Variants in KLHL1 observed in about 807,000 individuals in gnomAD.
KLHL1 encodes kelch-like protein 1.
A neutral mutation model predicts 77.7 loss-of-function variants in KLHL1; 47 were observed. The ratio of observed to expected loss-of-function variants is 0.60; its 90% CI spans 0.48 to 0.77. The LOEUF is 0.77. Ranked by LOEUF, KLHL1 falls within the 30% of genes least tolerant of loss-of-function variation. KLHL1 has a pLI of 0.00. For missense variants in KLHL1, 925 were observed against 910.8 expected (o/e 1.02, Z -0.20); for synonymous variants, 360 against 325.2 (o/e 1.11, Z -1.15).
intron 1 of KLHL1, among the ~76,000 whole-genome samples, chr13:70,017,233 A>T (rs1280956521): frequency 6.6e-6 from 1 of 152,206 alleles, no homozygotes; most frequent in African/African-American, 2.4e-5. Context: ...GTTGCCAGTG[A>T]TGAGGAGAAA....
chr13:69,879,815 A>T (rs560742153), intron 5 of KLHL1, among the ~76,000 whole-genome samples: 6 of 152,138 alleles, frequency 3.9e-5, no homozygotes, highest in African/African-American at 1.4e-4. Flanking sequence ...TCTGGTCTTT[A>T]AAACTAAAGA....
chr13:69,726,912 T>G (rs1873327550), intron 8 of KLHL1, among the ~76,000 whole-genome samples: 1 of 152,240 alleles, frequency 6.6e-6, no homozygotes, highest in Non-Finnish European at 1.5e-5. Flanking sequence ...TTTGTGAAAT[T>G]TTTTAAAAAA....
intron 4 of KLHL1, chr13:69,894,919 A>T: frequency 2.3e-6 from 1 of 436,230 alleles, no homozygotes; most frequent in Non-Finnish European, 4.4e-6. Context: ...GTTGAGCAGA[A>T]CCAAGCAGCT....
chr13:69,708,991 C>T (rs1006758193), intron 9 of KLHL1, among the ~76,000 whole-genome samples: 4 of 151,838 alleles, frequency 2.6e-5, no homozygotes, highest in South Asian at 2.1e-4. Context: ...TACAGAAGAT[C>T]TGGAATTTAT....
In KLHL1 at chr13:69,860,463, A is replaced by C. The variant is rs1456352817; in HGVS notation, c.1228-21301T>G. ...CTGCATGATCTATGAATAATATAGC[A>C]TAAAATTTTAGCATGTATTTAAAAA... On this transcript the variant is annotated intron_variant, in intron 5 of 10. Coordinates refer to ENST00000377844, the MANE Select transcript of KLHL1 (RefSeq NM_020866.3). Among the ~76,000 whole-genome samples, 7 of 152,110 alleles carry C rather than the reference A, an allele frequency of 4.6e-5. No individual in the cohort carries two copies. The South Asian group carries it at 1.4e-3, about 31-fold the overall frequency.
chr13:69,704,754 G>A (rs1205590195), intron 10 of KLHL1, among the ~76,000 whole-genome samples: 1 of 151,504 alleles, frequency 6.6e-6, no homozygotes, highest in African/African-American at 2.4e-5. Flanking sequence ...TTAAAAATCT[G>A]CCTTTGTTCT....
intron 6 of KLHL1, among the ~76,000 whole-genome samples, chr13:69,809,217 C>A (rs1158717614): frequency 3.9e-5 from 6 of 151,938 alleles, no homozygotes; most frequent in African/African-American, 1.2e-4. Flanking sequence ...AGAACTCCTG[C>A]GAGATACTAA....
chr13:69,998,836 C>A (rs1593662645), intron 1 of KLHL1, among the ~76,000 whole-genome samples: 1 of 151,878 alleles, frequency 6.6e-6, no homozygotes, highest in East Asian at 1.9e-4. Context: ...GAGTATGCAC[C>A]CAAGCTCACC....
chr13:69,770,292 GTGCAGCC>G (rs1279629155), intron 7 of KLHL1, among the ~76,000 whole-genome samples: 3 of 152,222 alleles, frequency 2.0e-5, no homozygotes, highest in Non-Finnish European at 4.4e-5. Context: ...AGCAAGCCAA[GTGCAGCC>G]TGCTGGCCCG....
intron 4 of KLHL1, among the ~76,000 whole-genome samples, chr13:69,902,665 A>G (rs563697558): frequency 5.5e-4 from 84 of 151,882 alleles, no homozygotes; most frequent in African/African-American, 1.9e-3. Flanking sequence ...GACAAAAACC[A>G]AACACCACAT....
chr13:69,850,322 T>G (rs1415918712), intron 5 of KLHL1, among the ~76,000 whole-genome samples: 1 of 151,602 alleles, frequency 6.6e-6, no homozygotes, highest in Non-Finnish European at 1.5e-5. Context: ...AACTTTTTTT[T>G]GAGAATATGA....
intron 2 of KLHL1, among the ~76,000 whole-genome samples, chr13:69,964,341 C>A (rs1257258960): frequency 6.6e-6 from 1 of 152,118 alleles, no homozygotes; most frequent in Non-Finnish European, 1.5e-5. Context: ...TGCACCCAGA[C>A]CATCTTGTTT....
chr13:69,907,279 A>C (rs1488278420), intron 4 of KLHL1, among the ~76,000 whole-genome samples: 7 of 152,038 alleles, frequency 4.6e-5, no homozygotes, highest in Non-Finnish European at 5.9e-5. Flanking sequence ...AAAAGCAAAA[A>C]GTGTGAATGT....
At chr13:69,787,128 G>GCTACCAA (rs1876596042) in intron 7 of KLHL1, among the ~76,000 whole-genome samples, 2 of 152,048 alleles carry the variant, frequency 1.3e-5, no homozygotes, top group Non-Finnish European at 2.9e-5. Flanking sequence ...CAAGCTACCA[G>GCTACCAA]TGACTTTCTT....
intron 7 of KLHL1, among the ~76,000 whole-genome samples, chr13:69,782,557 C>T (rs367614126): frequency 2.0e-4 from 30 of 152,310 alleles, no homozygotes; most frequent in African/African-American, 6.7e-4. Flanking sequence ...CAGAGTCTCA[C>T]TGATTGCTAG....
intron 1 of KLHL1, among the ~76,000 whole-genome samples, chr13:70,096,445 T>C (rs149898894): frequency 4.3e-4 from 66 of 152,232 alleles, no homozygotes; most frequent in South Asian, 1.9e-3. Flanking sequence ...TGATGATTAA[T>C]GATGGTGAGC....
chr13:70,006,941 A>C (rs531049404), intron 1 of KLHL1, among the ~76,000 whole-genome samples: 1 of 152,150 alleles, frequency 6.6e-6, no homozygotes, highest in East Asian at 1.9e-4. Context: ...TTTTGTTTTT[A>C]TATCAAAATA....
At chr13:70,035,132 G>C (rs1472282600) in intron 1 of KLHL1, among the ~76,000 whole-genome samples, 2 of 152,028 alleles carry the variant, frequency 1.3e-5, no homozygotes, top group Non-Finnish European at 1.5e-5. Context: ...TGAGTTAAGA[G>C]TACTTTGTTT....
At chr13:69,927,495 G>T (rs528688651) in intron 4 of KLHL1, among the ~76,000 whole-genome samples, 5 of 151,974 alleles carry the variant, frequency 3.3e-5, no homozygotes, top group South Asian at 4.2e-4. Flanking sequence ...TTAAGAAAAG[G>T]TTTGCAAATC....
Sources: gnomAD v4.1 joint callset for allele counts (sites outside exome capture counted in the v4.1 genomes callset) on GRCh38, gnomAD v4.1.1 for gene constraint, MANE v1.5 for transcripts, NCBI Gene and HGNC (gene_info 2026-07-23, HGNC 2026-07-21) for gene names.